CACHD1: variants seen among roughly 807,000 people sequenced by gnomAD.
CACHD1 encodes cache domain containing 1.
In CACHD1, 71 loss-of-function variants were observed where a neutral mutation model predicts 138.7. That is an observed-to-expected ratio of 0.51 (90% CI 0.42 to 0.62). The LOEUF (loss-of-function observed/expected upper bound fraction) is 0.62, where lower values mean the gene tolerates loss of function less well. Among genes scored for constraint, CACHD1 ranks in the 20% least tolerant of loss-of-function variants. The pLI is 0.00. For missense variants in CACHD1, 1,389 were observed against 1,625.3 expected, an observed-to-expected ratio of 0.85 and a Z score of 2.50; for synonymous variants, 578 against 591.5, an observed-to-expected ratio of 0.98 and a Z score of 0.33.
At chr1:64,610,325 C>T (rs1467571300) in intron 4 of CACHD1, among the ~76,000 whole-genome samples, 1 of 152,140 alleles carries the variant, frequency 6.6e-6, no homozygotes, top group Non-Finnish European at 1.5e-5. Context: ...TAACTCATTC[C>T]AGGATTAACT....
At chr1:64,483,791 C>A (rs185797201) in intron 1 of CACHD1, among the ~76,000 whole-genome samples, 94 of 151,960 alleles carry the variant, frequency 6.2e-4, no homozygotes, top group Middle Eastern at 3.4e-3. Flanking sequence ...TCAGTAAAAT[C>A]CTGAATTACT....
intron 4 of CACHD1, among the ~76,000 whole-genome samples, chr1:64,610,637 T>C (rs1647498801): frequency 6.6e-6 from 1 of 152,224 alleles, no homozygotes; most frequent in Admixed American, 6.5e-5. Flanking sequence ...CTGGGGCAGC[T>C]CCGCCCATGT....
At chr1:64,647,722 A>G (rs1648955528) in intron 8 of CACHD1, 79 bp from the exon 9 acceptor site, 1 of 1,222,548 alleles carries the variant, frequency 8.2e-7, no homozygotes, top group African/African-American at 1.5e-5. Context: ...CCATGCCCGT[A>G]TTTGATCTAA....
intron 2 of CACHD1, among the ~76,000 whole-genome samples, chr1:64,570,042 G>A (rs984755957): frequency 9.9e-5 from 15 of 152,184 alleles, no homozygotes; most frequent in African/African-American, 2.6e-4. Context: ...TAAAATGGCC[G>A]CACCCACTGA....
chr1:64,688,667 C>G (rs2100751940), intron 26 of CACHD1, among the ~76,000 whole-genome samples: 1 of 152,236 alleles, frequency 6.6e-6, no homozygotes. Flanking sequence ...CCCATTGCCC[C>G]CTGACCACTC....
chr1:64,530,211 A>T (rs1646571461), intron 1 of CACHD1, among the ~76,000 whole-genome samples: 2 of 152,180 alleles, frequency 1.3e-5, no homozygotes, highest in African/African-American at 4.8e-5. Flanking sequence ...TGATGCTTGA[A>T]CAGTTTAGCA....
chr1:64,580,228 G>A (rs936810347), intron 2 of CACHD1, among the ~76,000 whole-genome samples: 6 of 152,228 alleles, frequency 3.9e-5, no homozygotes, highest in African/African-American at 1.4e-4. Flanking sequence ...GAAATGTACA[G>A]GATTTTTTTT....
chr1:64,586,095 A>G (rs1328374107), intron 3 of CACHD1, among the ~76,000 whole-genome samples: 1 of 151,854 alleles, frequency 6.6e-6, no homozygotes, highest in African/African-American at 2.4e-5. Context: ...ATAGAGTCTC[A>G]CTCTGTCACC....
intron 1 of CACHD1, among the ~76,000 whole-genome samples, chr1:64,518,904 T>G (rs190981748): frequency 1.3e-5 from 2 of 152,308 alleles, no homozygotes; most frequent in East Asian, 3.9e-4. Flanking sequence ...ATTTACAACC[T>G]ATTGTGTTCT....
intron 3 of CACHD1, among the ~76,000 whole-genome samples, chr1:64,588,832 C>G (rs959391861): frequency 6.6e-6 from 1 of 152,044 alleles, no homozygotes; most frequent in Non-Finnish European, 1.5e-5. Flanking sequence ...GCATAAGCTA[C>G]GGAGGAAATA....
intron 1 of CACHD1, among the ~76,000 whole-genome samples, chr1:64,487,340 C>A (rs764759537): frequency 6.6e-6 from 1 of 152,114 alleles, no homozygotes; most frequent in Non-Finnish European, 1.5e-5. Context: ...CTTTCTCCCC[C>A]CAGGCTTTGA....
intron 1 of CACHD1, among the ~76,000 whole-genome samples, chr1:64,499,640 G>C (rs1646326458): frequency 6.6e-6 from 1 of 152,184 alleles, no homozygotes; most frequent in Admixed American, 6.5e-5. Flanking sequence ...AGACAACAGA[G>C]CCTAACAGTA....
At chr1:64,679,826 C>A in intron 24 of CACHD1, 70 bp downstream of exon 24, 1 of 1,541,286 alleles carries the variant, frequency 6.5e-7, no homozygotes, top group Non-Finnish European at 8.8e-7. Flanking sequence ...GTTGTGTAAG[C>A]CTCTAAGGAA....
chr1:64,551,394 A>G (rs1646757864), intron 2 of CACHD1, among the ~76,000 whole-genome samples: 1 of 152,090 alleles, frequency 6.6e-6, no homozygotes, highest in Admixed American at 6.6e-5. Context: ...GCTTGAAAAG[A>G]AGGGTGGTAA....
chr1:64,491,481 AG>A (rs936755440), intron 1 of CACHD1, among the ~76,000 whole-genome samples: 2 of 152,150 alleles, frequency 1.3e-5, no homozygotes, highest in Admixed American at 6.5e-5. Context: ...AAGAAGAGCA[AG>A]GGGGGAAGTG....
At chr1:64,588,671 C>A (rs1283931216) in intron 3 of CACHD1, among the ~76,000 whole-genome samples, 1 of 152,218 alleles carries the variant, frequency 6.6e-6, no homozygotes, top group Non-Finnish European at 1.5e-5. Flanking sequence ...AGCCACCATG[C>A]TGGGCCCAGA....
At chr1:64,558,355 C>T (rs573600737) in intron 2 of CACHD1, among the ~76,000 whole-genome samples, 3 of 152,192 alleles carry the variant, frequency 2.0e-5, no homozygotes, top group Admixed American at 6.5e-5. Context: ...GGGCCCTCAC[C>T]TCCTTCAAGT....
intron 23 of CACHD1, among the ~76,000 whole-genome samples, chr1:64,678,772 A>G (rs1328233463): frequency 1.3e-5 from 2 of 152,202 alleles, no homozygotes; most frequent in Non-Finnish European, 2.9e-5. Context: ...TACCCAGTGC[A>G]TCTGGGACAG....
chr1:64,643,168 T>C (rs1010133994), intron 8 of CACHD1, among the ~76,000 whole-genome samples: 133 of 149,102 alleles, frequency 8.9e-4, no homozygotes, highest in African/African-American at 2.7e-3. Context: ...TCAGGGACAG[T>C]GGGCCTCATA....
Sources: allele counts gnomAD v4.1 joint callset (sites outside exome capture counted in the v4.1 genomes callset), GRCh38; gene constraint gnomAD v4.1.1; transcripts MANE v1.5; gene names NCBI Gene and HGNC (gene_info 2026-07-23, HGNC 2026-07-21).